Variants in TRIM37 observed in about 807,000 individuals in gnomAD.
TRIM37 encodes tripartite motif containing 37, also known as E3 ubiquitin-protein ligase TRIM37.
In TRIM37, 80 loss-of-function variants were observed where a neutral mutation model predicts 129.8. The observed-to-expected ratio is 0.62, with a 90% CI of 0.51 to 0.74. The LOEUF (loss-of-function observed/expected upper bound fraction) is 0.74, where lower values mean the gene tolerates loss of function less well. TRIM37 is among the 30% of genes least tolerant of loss of function. The probability of loss-of-function intolerance (pLI) is 0.00; values close to 1 mark genes in which losing one functional copy is unlikely to be tolerated. For missense variants in TRIM37, 1,054 were observed against 1,176.5 expected (o/e 0.90, Z 1.52); for synonymous variants, 389 against 387.1 (o/e 1.00, Z -0.06).
At chr17:59,094,545 C>A (rs1012497947) in intron 2 of TRIM37, among the ~76,000 whole-genome samples, 7 of 151,916 alleles carry the variant, frequency 4.6e-5, no homozygotes, top group African/African-American at 1.5e-4. Flanking sequence ...AACATATCTA[C>A]CCTGCAAAAC....
At chr17:58,977,539 AAC>A in the TRIM37 span, among the ~76,000 whole-genome samples, 1 of 152,202 alleles carries the variant, frequency 6.6e-6, no homozygotes, top group Non-Finnish European at 1.5e-5. Context: ...GAGTGAAATG[AAC>A]ATTTATAATG....
chr17:59,067,830 C>T (rs1157263246), intron 9 of TRIM37, among the ~76,000 whole-genome samples: 1 of 144,182 alleles, frequency 6.9e-6, no homozygotes, highest in African/African-American at 2.4e-5. Context: ...GCCACCGCGC[C>T]CAGCCCACAG....
chr17:59,005,959 G>C (rs2144684676), intron 22 of TRIM37, among the ~76,000 whole-genome samples: 1 of 152,180 alleles, frequency 6.6e-6, no homozygotes, highest in South Asian at 2.1e-4. Flanking sequence ...TTTGATTCCA[G>C]GTATCAGTAT....
intron 2 of TRIM37, among the ~76,000 whole-genome samples, chr17:59,093,732 C>T (rs886642561): frequency 2.0e-5 from 3 of 152,084 alleles, no homozygotes; most frequent in African/African-American, 7.2e-5. Context: ...ATAACACTGT[C>T]GATATATCTG....
At chr17:59,091,450 A>ATT in intron 2 of TRIM37, 110 bp from the exon 3 acceptor site, 1 of 190,624 alleles carries the variant, frequency 5.2e-6, no homozygotes, top group Non-Finnish European at 1.1e-5. Flanking sequence ...TAATATATAT[A>ATT]ATATATAAAT....
intron 22 of TRIM37, among the ~76,000 whole-genome samples, chr17:59,009,993 G>C (rs1266001188): frequency 6.6e-6 from 1 of 152,108 alleles, no homozygotes; most frequent in Non-Finnish European, 1.5e-5. Flanking sequence ...TATTACAACT[G>C]GCTATTAGTC....
At position 59,049,203 on chromosome 17, in the gene TRIM37, T is replaced by C. The variant is rs1205383779; in HGVS notation, c.1505A>G (p.Glu502Gly). ...ATGATAATCTTCATTCTGAATCTTC[T>C]CCTCATCTTCTTCATCCTCTTTGGC... is the stretch of plus-strand genomic sequence containing the variant. Reference protein sequence around the residue: ...REAKEDEEDEEKIQNEDYHHE... With the variant: ...REAKEDEEDEGKIQNEDYHHE... The change falls in exon 15 of 24, where the codon GAG becomes GGG. Residue 502 changes from glutamate (E) to glycine (G), a missense_variant. Transcript: ENST00000262294. 6.2e-7 allele frequency: 1 copy of C among 1,614,000 alleles called. No individual in the cohort carries two copies. The highest frequency in any genetic ancestry group is 1.7e-5 in the Admixed American group (1 of 59,996).
chr17:59,102,058 A>G (rs1332973183), intron 2 of TRIM37, among the ~76,000 whole-genome samples: 3 of 152,190 alleles, frequency 2.0e-5, no homozygotes, highest in Admixed American at 6.6e-5. Flanking sequence ...TAATATGAAT[A>G]ATCTGATCTT....
At chr17:59,101,666 AAAAAAAAAAAAAT>A (rs1471951676) in intron 2 of TRIM37, among the ~76,000 whole-genome samples, 1,853 of 123,226 alleles carry the variant, frequency 0.015, 28 homozygotes, top group Non-Finnish European at 0.024. Flanking sequence ...AAAAAAAAAA[AAAAAAAAAAAAAT>A]ATATATATAT....
At chr17:59,056,206 CT>C (rs962517386) in intron 13 of TRIM37, among the ~76,000 whole-genome samples, 18 of 148,426 alleles carry the variant, frequency 1.2e-4, no homozygotes, top group African/African-American at 2.5e-4. Context: ...CACCCACCCC[CT>C]TTTTTTTTTC....
chr17:59,085,447 T>C (rs1303394595), intron 4 of TRIM37, among the ~76,000 whole-genome samples: 1 of 152,090 alleles, frequency 6.6e-6, no homozygotes, highest in East Asian at 1.9e-4. Context: ...AGTAAGCATA[T>C]GAAAAGATGC....
intron 14 of TRIM37, among the ~76,000 whole-genome samples, chr17:59,049,744 G>A (rs1599161767): frequency 6.6e-6 from 1 of 151,972 alleles, no homozygotes; most frequent in Non-Finnish European, 1.5e-5. Context: ...ATGTTCCTCT[G>A]GCCTCGGCCT....
chr17:58,990,308 T>C lies in TRIM37; in HGVS notation c.2892-7387A>G, dbSNP rs1237573574. On this transcript the variant is annotated intron_variant, in intron 24 of 24. Coordinates refer to the TRIM37 transcript ENST00000393066. ...GAGCTTGAAACCAGCCTGGAAAACA[T>C]GGAGAAACCCTATCTCTACTAAAAA... 2.1e-5 allele frequency among the ~76,000 whole-genome samples: 3 copies of C among 145,338 alleles called. No individual in the cohort carries two copies. The East Asian group carries it at 6.1e-4, about 30-fold the overall frequency.
At chr17:59,060,753 A>G (rs1241012070) in intron 12 of TRIM37, among the ~76,000 whole-genome samples, 3 of 152,216 alleles carry the variant, frequency 2.0e-5, no homozygotes, top group Non-Finnish European at 4.4e-5. Flanking sequence ...AATCAAAATG[A>G]TATTTTAAAA....
At chr17:58,967,366 A>T in the TRIM37 span, among the ~76,000 whole-genome samples, 4 of 152,198 alleles carry the variant, frequency 2.6e-5, no homozygotes, top group Non-Finnish European at 4.4e-5. Context: ...CTCATATAAG[A>T]TGCATATTTT....
chr17:59,008,631 G>A (rs1301971050), intron 22 of TRIM37, among the ~76,000 whole-genome samples: 2 of 152,170 alleles, frequency 1.3e-5, no homozygotes, highest in African/African-American at 4.8e-5. Flanking sequence ...CGGGTGTGGT[G>A]GCTCATGTCT....
intron 19 of TRIM37, among the ~76,000 whole-genome samples, chr17:59,019,901 TA>T (rs1028366739): frequency 1.2e-4 from 18 of 151,968 alleles, no homozygotes; most frequent in Non-Finnish European, 2.4e-4. Context: ...ATTTCTCCAC[TA>T]AAAGGATAAA....
intron 22 of TRIM37, among the ~76,000 whole-genome samples, chr17:59,005,367 T>A (rs1039386118): frequency 6.6e-6 from 1 of 152,116 alleles, no homozygotes; most frequent in Admixed American, 6.5e-5. Context: ...TACTGCAACC[T>A]CCACCTCCCA....
the TRIM37 span, among the ~76,000 whole-genome samples, chr17:58,967,952 T>C: frequency 6.6e-6 from 1 of 151,978 alleles, no homozygotes; most frequent in South Asian, 2.1e-4. Context: ...TACAGGCGCG[T>C]GCCACCACAC....
Sources: allele counts gnomAD v4.1 joint callset (sites outside exome capture counted in the v4.1 genomes callset), GRCh38; gene constraint gnomAD v4.1.1; transcripts MANE v1.5; gene names NCBI Gene and HGNC (gene_info 2026-07-23, HGNC 2026-07-21).